The following NRXN3 variants were observed in gnomAD, a reference collection of about 807,000 sequenced individuals.
NRXN3 encodes neurexin 3.
A neutral mutation model predicts 137.6 loss-of-function variants in NRXN3; 32 were observed. The ratio of observed to expected loss-of-function variants is 0.23; its 90% CI spans 0.18 to 0.31. NRXN3 has a LOEUF of 0.31. NRXN3 is among the 10% of genes least tolerant of loss of function. The probability of loss-of-function intolerance (pLI) is 1.00; values close to 1 mark genes in which losing one functional copy is unlikely to be tolerated. For missense variants in NRXN3, 1,574 were observed against 2,062.5 expected (o/e 0.76, Z 4.59); for synonymous variants, 798 against 784.5 (o/e 1.02, Z -0.29).
At chr14:78,395,887 T>G (rs1050095993) in intron 4 of NRXN3, among the ~76,000 whole-genome samples, 1 of 152,050 alleles carries the variant, frequency 6.6e-6, no homozygotes, top group Admixed American at 6.6e-5. Flanking sequence ...TCTATTAGAA[T>G]TGAATTCTTT....
At chr14:78,416,057 A>G (rs1480938526) in intron 4 of NRXN3, among the ~76,000 whole-genome samples, 1 of 152,238 alleles carries the variant, frequency 6.6e-6, no homozygotes, top group Non-Finnish European at 1.5e-5. Context: ...AAAGCAAGTC[A>G]CATGGACAAT....
intron 10 of NRXN3, among the ~76,000 whole-genome samples, chr14:78,900,546 T>C (rs185895151): frequency 6.6e-6 from 1 of 151,864 alleles, no homozygotes; most frequent in South Asian, 2.1e-4. Context: ...TTTCTCTCTC[T>C]TCTTCTGAAG....
chr14:78,730,415 T>C (rs1406153696), intron 8 of NRXN3, among the ~76,000 whole-genome samples: 1 of 152,208 alleles, frequency 6.6e-6, no homozygotes, highest in Non-Finnish European at 1.5e-5. Flanking sequence ...CATTATTTTT[T>C]TCCCTGATAA....
chr14:79,494,094 G>A (rs1400665145), intron 16 of NRXN3, among the ~76,000 whole-genome samples: 1 of 152,174 alleles, frequency 6.6e-6, no homozygotes, highest in East Asian at 1.9e-4. Flanking sequence ...TGCATTAAAT[G>A]TATAGTTGGT....
chr14:78,651,902 A>G (rs1294474606), intron 6 of NRXN3, among the ~76,000 whole-genome samples: 1 of 152,204 alleles, frequency 6.6e-6, no homozygotes, highest in African/African-American at 2.4e-5. Context: ...ACACAGCCAA[A>G]CCATGTCAAG....
At chr14:79,297,560 G>T (rs2084393788) in intron 15 of NRXN3, among the ~76,000 whole-genome samples, 1 of 152,014 alleles carries the variant, frequency 6.6e-6, no homozygotes, top group African/African-American at 2.4e-5. Flanking sequence ...ATGTTGGATG[G>T]ATAAATAAAA....
At position 79,225,370 on chromosome 14, in the gene NRXN3, G is replaced by A. The variant is rs1005723976; in HGVS notation, c.3262+237229G>A. 1.3e-4 allele frequency among the ~76,000 whole-genome samples: 20 copies of A among 152,116 alleles called. 1 individual carries two copies. Among genetic ancestry groups the A allele is most frequent in the African/African-American group, 4.8e-4 (20 of 41,418 alleles). The stretch of plus-strand genomic sequence containing the variant: ...CACAGAGCTTCCCTACTTGGCCATA[G>A]GATAGCCTCATGTGCACTTAGCTCA... On this transcript the variant is annotated intron_variant, in intron 15 of 20. Transcript: ENST00000335750.
chr14:78,318,442 C>G (rs2078958417), intron 4 of NRXN3, among the ~76,000 whole-genome samples: 1 of 152,152 alleles, frequency 6.6e-6, no homozygotes, highest in African/African-American at 2.4e-5. Flanking sequence ...ACTGAGGCAG[C>G]CCTCTAGTCT....
chr14:79,580,036 C>T (rs958121653), intron 16 of NRXN3, among the ~76,000 whole-genome samples: 2 of 152,228 alleles, frequency 1.3e-5, no homozygotes, highest in East Asian at 1.9e-4. Context: ...TGAGTGAGAA[C>T]GTGTGAAATG....
intron 15 of NRXN3, among the ~76,000 whole-genome samples, chr14:79,452,254 G>A (rs1410414927): frequency 3.9e-5 from 6 of 152,100 alleles, no homozygotes; most frequent in Admixed American, 3.9e-4. Flanking sequence ...TTTAAATATG[G>A]CAGGTGCTTT....
chr14:79,361,648 C>T (rs569276017), intron 15 of NRXN3, among the ~76,000 whole-genome samples: 2 of 152,152 alleles, frequency 1.3e-5, no homozygotes, highest in African/African-American at 4.8e-5. Flanking sequence ...ACCCAGGAGG[C>T]AGAGGTTGCA....
chr14:78,297,130 T>C (rs1211779379), intron 3 of NRXN3, among the ~76,000 whole-genome samples: 1 of 152,196 alleles, frequency 6.6e-6, no homozygotes, highest in African/African-American at 2.4e-5. Context: ...TAGTCCTCCC[T>C]GATCAAGTGT....
chr14:78,536,848 C>T (rs2096541178), intron 4 of NRXN3, among the ~76,000 whole-genome samples: 1 of 147,238 alleles, frequency 6.8e-6, no homozygotes, highest in African/African-American at 2.5e-5. Context: ...TGAGTGAGAA[C>T]ATGCAGTGTT....
At chr14:78,379,142 A>G (rs948540324) in intron 4 of NRXN3, among the ~76,000 whole-genome samples, 1 of 152,160 alleles carries the variant, frequency 6.6e-6, no homozygotes. Flanking sequence ...AACTCCCACA[A>G]AAGAAACTTC....
At chr14:79,512,421 C>G (rs2096940610) in intron 16 of NRXN3, among the ~76,000 whole-genome samples, 1 of 152,162 alleles carries the variant, frequency 6.6e-6, no homozygotes. Flanking sequence ...AAACTCACAG[C>G]ACTGTGTCAG....
chr14:78,476,253 A>T (rs2095376201), intron 4 of NRXN3, among the ~76,000 whole-genome samples: 1 of 152,370 alleles, frequency 6.6e-6, no homozygotes, highest in Admixed American at 6.5e-5. Flanking sequence ...CACATAAGAA[A>T]CATATGAGAT....
At chr14:79,689,305 A>T (rs1057044792) in intron 17 of NRXN3, among the ~76,000 whole-genome samples, 1 of 152,150 alleles carries the variant, frequency 6.6e-6, no homozygotes, top group African/African-American at 2.4e-5. Context: ...GTATAAGAAT[A>T]CTTATATTTA....
chr14:79,146,558 A>G (rs1343679298), intron 15 of NRXN3, among the ~76,000 whole-genome samples: 18 of 152,162 alleles, frequency 1.2e-4, no homozygotes, highest in Admixed American at 1.1e-3. Flanking sequence ...GACTTGAAAA[A>G]AAGAGTGACA....
At chr14:78,350,124 C>T (rs2083284572) in intron 4 of NRXN3, among the ~76,000 whole-genome samples, 1 of 152,052 alleles carries the variant, frequency 6.6e-6, no homozygotes, top group South Asian at 2.1e-4. Flanking sequence ...CCTGTCTCTA[C>T]TAAAAATTCA....
Sources: gnomAD v4.1 joint callset for allele counts (sites outside exome capture counted in the v4.1 genomes callset) on GRCh38, gnomAD v4.1.1 for gene constraint, MANE v1.5 for transcripts, NCBI Gene and HGNC (gene_info 2026-07-23, HGNC 2026-07-21) for gene names.